SGCD: variants seen among roughly 807,000 people sequenced by gnomAD.
SGCD encodes the protein delta-sarcoglycan.
In SGCD, 18 loss-of-function variants were observed where a neutral mutation model predicts 36.6. That is an observed-to-expected ratio of 0.49 (90% CI 0.34 to 0.73). The LOEUF (loss-of-function observed/expected upper bound fraction) is 0.73. Ranked by LOEUF, SGCD falls within the 30% of genes least tolerant of loss-of-function variation. The pLI, the probability that SGCD is intolerant of heterozygous loss-of-function variation, is 0.01. For synonymous variants in SGCD, 133 were observed against 130.6 expected (o/e 1.02, Z -0.12); for missense variants, 387 against 346.7 (o/e 1.12, Z -0.92).
At chr5:156,554,864 G>A (rs78909890) in intron 4 of SGCD, among the ~76,000 whole-genome samples, 20,836 of 151,958 alleles carry the variant, frequency 0.14, 1,545 homozygotes, top group East Asian at 0.18. Context: ...TCAACAATAT[G>A]TGAGGTTTCC....
At chr5:156,271,646 T>A (rs189670425) in intron 3 of SGCD, among the ~76,000 whole-genome samples, 43 of 151,770 alleles carry the variant, frequency 2.8e-4, no homozygotes, top group East Asian at 1.2e-3. Flanking sequence ...TGTGTGTGTG[T>A]GAGAGAGAGA....
At chr5:155,868,315 G>T (rs1464275228), upstream of SGCD, among the ~76,000 whole-genome samples, 2 of 149,318 alleles carry the variant, frequency 1.3e-5, no homozygotes, top group African/African-American at 4.9e-5. Flanking sequence ...GCCTCCAAAA[G>T]TGCTGGGATT....
intron 3 of SGCD, among the ~76,000 whole-genome samples, chr5:156,237,653 C>T (rs1241374694): frequency 2.0e-5 from 3 of 151,998 alleles, no homozygotes; most frequent in African/African-American, 4.8e-5. Context: ...CAAAGCGGGA[C>T]ACTTTCAGAA....
the SGCD span, among the ~76,000 whole-genome samples, chr5:155,742,925 G>T: frequency 6.6e-6 from 1 of 152,318 alleles, no homozygotes; most frequent in Middle Eastern, 3.4e-3. Context: ...TTGTTTGCTG[G>T]TTTGTTATAA....
At chr5:156,560,533 G>A (rs1385739584) in intron 4 of SGCD, among the ~76,000 whole-genome samples, 2 of 152,098 alleles carry the variant, frequency 1.3e-5, no homozygotes, top group East Asian at 3.9e-4. Flanking sequence ...CAATGAAGGA[G>A]GCTCAAGAAA....
chr5:156,026,276 C>A (rs1759224802), intron 1 of SGCD, among the ~76,000 whole-genome samples: 1 of 152,108 alleles, frequency 6.6e-6, no homozygotes, highest in Non-Finnish European at 1.5e-5. Context: ...ATGGACATTA[C>A]AACAATTATC....
At chr5:156,078,498 G>A (rs1487024490) in intron 1 of SGCD, among the ~76,000 whole-genome samples, 1 of 132,876 alleles carries the variant, frequency 7.5e-6, no homozygotes, top group Non-Finnish European at 1.6e-5. Context: ...GGGCAACAAA[G>A]TAAGACTGTC....
intron 7 of SGCD, among the ~76,000 whole-genome samples, chr5:156,748,222 GGTGTGAATGCAGAGAA>G (rs1357236849): frequency 6.6e-6 from 1 of 152,184 alleles, no homozygotes; most frequent in Non-Finnish European, 1.5e-5. Context: ...GAGGGTGGTG[GGTGTGAATGCAGAGAA>G]GCATGAGGTA....
At chr5:156,735,045 G>A (rs183533555) in intron 7 of SGCD, among the ~76,000 whole-genome samples, 36 of 152,188 alleles carry the variant, frequency 2.4e-4, no homozygotes, top group African/African-American at 7.2e-4. Flanking sequence ...AAACAGTCTG[G>A]CCACTTTTCT....
chr5:156,406,873 G>C (rs887842921), intron 3 of SGCD, among the ~76,000 whole-genome samples: 59 of 140,380 alleles, frequency 4.2e-4, no homozygotes, highest in Non-Finnish European at 2.0e-4. Flanking sequence ...AGTTTATTAA[G>C]TATTAACTTA....
chr5:156,611,946 GT>G (rs1452993789), intron 6 of SGCD, among the ~76,000 whole-genome samples: 1 of 152,010 alleles, frequency 6.6e-6, no homozygotes, highest in Non-Finnish European at 1.5e-5. Context: ...AATTATCTCT[GT>G]TGAATTTCTC....
At chr5:156,113,762 A>G (rs1309901713) in intron 1 of SGCD, among the ~76,000 whole-genome samples, 1 of 152,196 alleles carries the variant, frequency 6.6e-6, no homozygotes, top group Non-Finnish European at 1.5e-5. Flanking sequence ...AGGAGCCAGC[A>G]TGTCCTTCTT....
chr5:156,169,217 C>T (rs112743713), intron 3 of SGCD, among the ~76,000 whole-genome samples: 2,171 of 152,248 alleles, frequency 0.014, 50 homozygotes, highest in African/African-American at 0.049. Context: ...TTATAGGAAA[C>T]GAAGGAATTA....
At chr5:156,243,247 G>A (rs1765349881) in intron 3 of SGCD, among the ~76,000 whole-genome samples, 1 of 152,232 alleles carries the variant, frequency 6.6e-6, no homozygotes, top group Non-Finnish European at 1.5e-5. Context: ...GCTTCCACAT[G>A]GAACAGTGGC....
At chr5:156,672,963 A>G (rs992631466) in intron 7 of SGCD, among the ~76,000 whole-genome samples, 9 of 152,150 alleles carry the variant, frequency 5.9e-5, no homozygotes, top group Non-Finnish European at 1.3e-4. Flanking sequence ...ACCTAAGGAC[A>G]TCTTTCTTGG....
chr5:156,609,051 G>T (rs1166516894), intron 6 of SGCD, among the ~76,000 whole-genome samples: 1 of 151,790 alleles, frequency 6.6e-6, no homozygotes, highest in Non-Finnish European at 1.5e-5. Context: ...TACATTTAAG[G>T]TTAATATTGT....
chr5:156,486,753 G>T (rs552969687), intron 3 of SGCD, among the ~76,000 whole-genome samples: 8 of 151,916 alleles, frequency 5.3e-5, no homozygotes, highest in Non-Finnish European at 1.0e-4. Flanking sequence ...CTGCCACCAC[G>T]TGCATGTGCC....
At chr5:156,380,456 G>C (rs980611473) in intron 3 of SGCD, among the ~76,000 whole-genome samples, 2 of 152,240 alleles carry the variant, frequency 1.3e-5, no homozygotes, top group Non-Finnish European at 2.9e-5. Context: ...AGCAAGCACA[G>C]TTTTCAAGCA....
chr5:156,007,772 AAAAC>A (rs759240220), intron 1 of SGCD, among the ~76,000 whole-genome samples: 4 of 152,234 alleles, frequency 2.6e-5, no homozygotes, highest in African/African-American at 4.8e-5. Context: ...TTATAAAACA[AAAAC>A]AAACAAACAA....
Sources: gnomAD v4.1 joint callset for allele counts (sites outside exome capture counted in the v4.1 genomes callset) on GRCh38, gnomAD v4.1.1 for gene constraint, MANE v1.5 for transcripts, NCBI Gene and HGNC (gene_info 2026-07-23, HGNC 2026-07-21) for gene names.